MED12L: variants seen among roughly 807,000 people sequenced by gnomAD.
MED12L encodes the protein mediator complex subunit 12L.
Under a neutral mutation model 281.3 loss-of-function variants are expected in MED12L, and 60 were observed. That is an observed-to-expected ratio of 0.21 (90% confidence interval 0.17 to 0.26). The LOEUF (loss-of-function observed/expected upper bound fraction) is 0.26. MED12L is among the 10% of genes least tolerant of loss of function. MED12L has a pLI of 1.00. For missense variants in MED12L, 2,146 were observed against 2,680.9 expected (o/e 0.80, Z 4.41); for synonymous variants, 974 against 987.2 (o/e 0.99, Z 0.25).
chr3:151,432,883 A>T lies in MED12L; in HGVS notation c.*79A>T. The T allele has an allele frequency of 9.7e-7, 1 of 1,031,110 alleles. No individual in the cohort carries two copies. Among genetic ancestry groups the T allele is most frequent in the Non-Finnish European group, 1.4e-6 (1 of 697,040 alleles). 63.9% of individuals were successfully genotyped at this position (1,031,110 alleles called of 1,614,324 possible). ...TCAAATTTAATGCATTAGTCATCTTAAAAATGTCCCTTTTTTTCATTTCTT... is the reference window on the plus strand; with the variant it reads ...TCAAATTTAATGCATTAGTCATCTTTAAAATGTCCCTTTTTTTCATTTCTT... On this transcript the variant is annotated 3_prime_UTR_variant, in exon 45 of 45. Transcript: ENST00000687756.
intron 16 of MED12L, among the ~76,000 whole-genome samples, chr3:151,341,618 G>A (rs1252947289): frequency 1.3e-5 from 2 of 150,826 alleles, no homozygotes; most frequent in East Asian, 3.9e-4. Flanking sequence ...GGGTACATGT[G>A]CACAATGTGC....
intron 38 of MED12L, 121 bp from the exon 39 acceptor site, chr3:151,394,535 A>T (rs1399047020): frequency 2.0e-6 from 3 of 1,484,432 alleles, no homozygotes; most frequent in Non-Finnish European, 2.7e-6. Flanking sequence ...GGGACAGTGC[A>T]TTTTTTTCTA....
At chr3:151,141,416 CTG>C (rs1717012488) in intron 5 of MED12L, among the ~76,000 whole-genome samples, 1 of 152,120 alleles carries the variant, frequency 6.6e-6, no homozygotes, top group South Asian at 2.1e-4. Context: ...TATCAAGAGT[CTG>C]TGCATTGGGG....
chr3:151,100,011 G>C (rs58092658), intron 2 of MED12L, among the ~76,000 whole-genome samples: 2,878 of 152,264 alleles, frequency 0.019, 100 homozygotes, highest in African/African-American at 0.066. Flanking sequence ...CAAAGAGACA[G>C]TTAACATCGG....
At position 151,102,551 on chromosome 3, in the gene MED12L, TG is replaced by T. The variant is rs1197735420; in HGVS notation, c.100-13785del. ...GAAGAAGGATGTTCTGCAGTGAACATGGTTCACTGCAACCTCTACCTTCTGG... is the reference window on the plus strand; with the variant it reads ...GAAGAAGGATGTTCTGCAGTGAACATGTTCACTGCAACCTCTACCTTCTGG... On this transcript the variant is annotated intron_variant, in intron 2 of 44. Transcript: ENST00000687756. Among the ~76,000 whole-genome samples, 7 of 152,254 alleles carry T rather than the reference TG, an allele frequency of 4.6e-5. No homozygotes were observed. The East Asian group carries it at 5.8e-4, about 13-fold the overall frequency.
chr3:151,432,553 A>T (rs553077248), intron 44 of MED12L, among the ~76,000 whole-genome samples, 199 bp from the exon 45 acceptor site: 9 of 152,298 alleles, frequency 5.9e-5, no homozygotes, highest in South Asian at 4.1e-4. Context: ...GCAAGTGTGG[A>T]CTGTGAATAA....
intron 16 of MED12L, among the ~76,000 whole-genome samples, chr3:151,251,336 A>C (rs1284598125): frequency 1.3e-5 from 2 of 150,862 alleles, no homozygotes; most frequent in Admixed American, 1.3e-4. Context: ...ACAATTAAAC[A>C]CTCTGTCTCA....
Position 151,138,991 on chromosome 3 carries a change from ACCTACCTACCTG to A in MED12L, c.556+11019_556+11030del, listed in dbSNP as rs1453776172. ...TGATTTGTCTCTTATCTACCTACCT[ACCTACCTACCTG>A]CCTACCTACCTACTATTCTTTCATT... On this transcript the variant is annotated intron_variant, in intron 5 of 44. Coordinates refer to ENST00000687756, the MANE Select transcript of MED12L (RefSeq NM_001393769.1). Among the ~76,000 whole-genome samples, 621 of 142,150 alleles carry A rather than the reference ACCTACCTACCTG, an allele frequency of 4.4e-3. 4 individuals carry two copies. Among genetic ancestry groups the A allele is most frequent in the African/African-American group, 0.016 (580 of 35,668 alleles). 93.3% of individuals were successfully genotyped at this position (142,150 alleles called of 152,430 possible).
At position 151,430,283 on chromosome 3, in the gene MED12L, C is replaced by G. The variant is rs370962949; in HGVS notation, c.6409-16C>G. On this transcript the variant is annotated splice_polypyrimidine_tract_variant and intron_variant, in intron 43 of 44. Coordinates refer to ENST00000687756, the MANE Select transcript of MED12L (RefSeq NM_001393769.1). ...CCATGGAATGATTTCTGTCCTTTCTCCTGTCGCCATTACAGTTTCCCAGGC... is the reference window on the plus strand; with the variant it reads ...CCATGGAATGATTTCTGTCCTTTCTGCTGTCGCCATTACAGTTTCCCAGGC... The G allele has an allele frequency of 2.8e-5, 45 of 1,613,942 alleles. No individual in the cohort carries two copies. The highest frequency in any genetic ancestry group is 3.6e-5 in the Non-Finnish European group (43 of 1,179,930).
chr3:151,307,093 T>C (rs1746757059), intron 16 of MED12L, among the ~76,000 whole-genome samples: 1 of 152,222 alleles, frequency 6.6e-6, no homozygotes, highest in African/African-American at 2.4e-5. Flanking sequence ...ACAAAAGCCA[T>C]CTGATAGAAA....
chr3:151,356,680 A>G (rs1753964007), intron 19 of MED12L, among the ~76,000 whole-genome samples: 1 of 152,062 alleles, frequency 6.6e-6, no homozygotes, highest in Non-Finnish European at 1.5e-5. Flanking sequence ...TCCTGAAGCA[A>G]AGATGAAAGT....
chr3:151,186,324 C>G (rs1024211832), intron 12 of MED12L, among the ~76,000 whole-genome samples: 1 of 152,238 alleles, frequency 6.6e-6, no homozygotes, highest in African/African-American at 2.4e-5. Context: ...TACCTCATCT[C>G]TCTGCTTCCT....
In MED12L at chr3:151,254,857, T is replaced by C. The variant is rs187061716; in HGVS notation, c.2250+61191T>C. Among the ~76,000 whole-genome samples the C allele has an allele frequency of 2.6e-4, 39 of 152,334 alleles. No individual in the cohort carries two copies. In the East Asian group the frequency reaches 6.6e-3, roughly 26 times the overall value. The stretch of plus-strand genomic sequence containing the variant: ...GTTGCAATTATTGCTGTCTTATAAA[T>C]GTCACATACATGATATATATACACA... On this transcript the variant is annotated intron_variant, in intron 16 of 44. Coordinates refer to ENST00000687756, the MANE Select transcript of MED12L (RefSeq NM_001393769.1).
chr3:151,411,552 T>C (rs753620442), intron 41 of MED12L, 45 bp downstream of exon 41: 1 of 1,545,782 alleles, frequency 6.5e-7, no homozygotes, highest in South Asian at 1.1e-5. Context: ...ACAGTCACAT[T>C]CTCGGGTTTC....
At chr3:151,311,900 T>G (rs1747580082) in intron 16 of MED12L, among the ~76,000 whole-genome samples, 1 of 152,070 alleles carries the variant, frequency 6.6e-6, no homozygotes, top group African/African-American at 2.4e-5. Context: ...TGGCAGGCAC[T>G]TGTATTTCCA....
chr3:151,383,969 A>T (rs1438524127), intron 34 of MED12L, 81 bp downstream of exon 34: 3 of 1,483,422 alleles, frequency 2.0e-6, no homozygotes, highest in Non-Finnish European at 2.8e-6. Context: ...GATTTCTGCC[A>T]CATCTTATTT....
intron 16 of MED12L, among the ~76,000 whole-genome samples, chr3:151,247,627 G>A (rs1735892708): frequency 2.3e-5 from 3 of 131,814 alleles, no homozygotes; most frequent in African/African-American, 8.3e-5. Context: ...TCGGGGAGGG[G>A]GGAGGGATAG....
intron 16 of MED12L, chr3:151,197,766 C>T (rs1226558320): frequency 1.3e-5 from 2 of 152,626 alleles, no homozygotes; most frequent in East Asian, 3.8e-4. Context: ...TTATTACTAA[C>T]ATCAGGAAGC....
At chr3:151,109,610 G>A (rs1414127847) in intron 2 of MED12L, among the ~76,000 whole-genome samples, 3 of 152,154 alleles carry the variant, frequency 2.0e-5, no homozygotes, top group Non-Finnish European at 2.9e-5. Context: ...ACTCTGGGCC[G>A]CTTGGTGAGG....
Sources: gnomAD v4.1 joint callset for allele counts (sites outside exome capture counted in the v4.1 genomes callset) on GRCh38, gnomAD v4.1.1 for gene constraint, MANE v1.5 for transcripts, NCBI Gene and HGNC (gene_info 2026-07-23, HGNC 2026-07-21) for gene names.